SGSM1: variants seen among roughly 807,000 people sequenced by gnomAD.
SGSM1 encodes RUN and TBC1 domain containing 2.
A neutral mutation model predicts 133.8 loss-of-function variants in SGSM1; 73 were observed. The ratio of observed to expected loss-of-function variants is 0.55; its 90% CI spans 0.45 to 0.66. The LOEUF is 0.66. Among genes scored for constraint, SGSM1 ranks in the 30% least tolerant of loss-of-function variants. The probability of loss-of-function intolerance (pLI) is 0.00; values close to 1 mark genes in which losing one functional copy is unlikely to be tolerated. For synonymous variants in SGSM1, 563 were observed against 573.0 expected, an observed-to-expected ratio of 0.98 and a Z score of 0.25; for missense variants, 1,213 against 1,448.1, an observed-to-expected ratio of 0.84 and a Z score of 2.64.
In SGSM1 at chr22:24,912,719, C is replaced by A; in HGVS notation, c.2895C>A (p.Asp965Glu). 1 of 1,613,624 alleles carries A rather than the reference C, an allele frequency of 6.2e-7. No homozygotes were observed. The highest frequency in any genetic ancestry group is 8.5e-7 in the Non-Finnish European group (1 of 1,179,806). ...ACTTCCCCCACGGAGGCGCCATGGA[C>A]ACGCACTTTGCAAACATGAGATCGT... Reference protein sequence around the residue: ...NQNFPHGGAMDTHFANMRSLI... With the variant: ...NQNFPHGGAMETHFANMRSLI... Residue 965 changes from aspartate to glutamate, a missense_variant, in exon 22 of 25, where the codon GAC becomes GAA. Coordinates refer to ENST00000400358, the MANE Select transcript of SGSM1 (RefSeq NM_001098497.3).
Position 24,806,602 on chromosome 22 carries a change from G to A in SGSM1, c.63+118G>A, listed in dbSNP as rs913231317. On this transcript the variant is annotated intron_variant, in intron 2 of 24. Transcript: ENST00000400358. ...CGGGGGGGCGGCCAGAACAGGTGTGGGGCTCACCTGGGTGGGCATTGACCT... is the reference window on the plus strand; with the variant it reads ...CGGGGGGGCGGCCAGAACAGGTGTGAGGCTCACCTGGGTGGGCATTGACCT... The A allele has an allele frequency of 9.7e-5, 119 of 1,231,244 alleles. 2 individuals carry two copies. Among genetic ancestry groups the A allele is most frequent in the Admixed American group, 9.5e-4 (26 of 27,420 alleles). The allele number at this position is 1,231,244 out of a possible 1,614,324, so 76.3% of individuals were successfully genotyped here.
intron 21 of SGSM1, among the ~76,000 whole-genome samples, chr22:24,907,604 G>C (rs1933439677): frequency 6.6e-6 from 1 of 151,922 alleles, no homozygotes; most frequent in African/African-American, 2.4e-5. Flanking sequence ...AAATTCAAGG[G>C]ATTTAGAATA....
chr22:24,924,013 C>A (rs1242537827), intron 24 of SGSM1, among the ~76,000 whole-genome samples, 173 bp from the exon 25 acceptor site: 1 of 152,134 alleles, frequency 6.6e-6, no homozygotes, highest in Non-Finnish European at 1.5e-5. Context: ...TTCCAATCCC[C>A]ATTTTACAGA....
chr22:24,914,292 C>CAAA (rs144720210), intron 22 of SGSM1, among the ~76,000 whole-genome samples: 11,542 of 94,950 alleles, frequency 0.12, 1,450 homozygotes, highest in African/African-American at 0.33. Flanking sequence ...GACTCCATCT[C>CAAA]AAAAAAAAAA....
intron 8 of SGSM1, 138 bp downstream of exon 8, chr22:24,855,818 C>A (rs1930746558): frequency 1.6e-6 from 2 of 1,249,664 alleles, no homozygotes; most frequent in African/African-American, 1.5e-5. Flanking sequence ...ACCCGCCCAA[C>A]ACTCATTCAT....
intron 9 of SGSM1, among the ~76,000 whole-genome samples, chr22:24,864,906 G>C (rs1818718069): frequency 6.6e-6 from 1 of 152,204 alleles, no homozygotes; most frequent in South Asian, 2.1e-4. Flanking sequence ...TGTGGCCTGA[G>C]ACAATCAACT....
intron 18 of SGSM1, among the ~76,000 whole-genome samples, chr22:24,896,973 T>C (rs2123700810): frequency 6.7e-6 from 1 of 149,730 alleles, no homozygotes; most frequent in Non-Finnish European, 1.5e-5. Flanking sequence ...CGAGACTCCA[T>C]CTTAAATAAA....
chr22:24,841,623 G>A (rs956158502), intron 2 of SGSM1, among the ~76,000 whole-genome samples: 5 of 152,244 alleles, frequency 3.3e-5, no homozygotes, highest in African/African-American at 4.8e-5. Context: ...AGAGTCTACA[G>A]CATTGATTCA....
intron 2 of SGSM1, among the ~76,000 whole-genome samples, chr22:24,834,339 T>C (rs1451733586): frequency 6.6e-6 from 1 of 152,248 alleles, no homozygotes; most frequent in East Asian, 1.9e-4. Flanking sequence ...CCAAACATTC[T>C]TGTGCAGGGT....
At chr22:24,911,936 TC>T in intron 21 of SGSM1, among the ~76,000 whole-genome samples, 1 of 151,944 alleles carries the variant, frequency 6.6e-6, no homozygotes, top group East Asian at 1.9e-4. Context: ...GCGCCTGTAG[TC>T]CCAGCTACTT....
chr22:24,868,365 G>T lies in SGSM1; in HGVS notation c.995-11G>T. ...TTCCACTGGGTCTTCTCTGGCTGGT[G>T]GTGGCGGCAGTTGACAGCGGCGGGA... On this transcript the variant is annotated splice_polypyrimidine_tract_variant and intron_variant, in intron 10 of 24. Transcript: ENST00000400358. The T allele has an allele frequency of 6.2e-7, 1 of 1,604,636 alleles. No individual in the cohort carries two copies. Among genetic ancestry groups the T allele is most frequent in the Non-Finnish European group, 8.5e-7 (1 of 1,173,738 alleles).
chr22:24,836,661 C>T (rs78393882), intron 2 of SGSM1, among the ~76,000 whole-genome samples: 2,236 of 152,296 alleles, frequency 0.015, 35 homozygotes, highest in Middle Eastern at 0.041. Flanking sequence ...AGTGGTATCT[C>T]ATTGTGGTTT....
intron 19 of SGSM1, among the ~76,000 whole-genome samples, chr22:24,900,902 G>A (rs1029316733): frequency 7.2e-5 from 11 of 152,092 alleles, no homozygotes; most frequent in Non-Finnish European, 1.5e-4. Context: ...TTAAGACCCA[G>A]GTGGAAGGTA....
rs780716842 is a variant in SGSM1, at chr22:24,893,637, A to G, written c.1953+24A>G. On this transcript the variant is annotated intron_variant, in intron 17 of 24. Transcript: ENST00000400358. ...AGGTGATGGGCGGCTGGCCTCGGGG[A>G]GCGCGGGGGCTGGGGAAGGTCAGGG... 3.3e-6 allele frequency: 5 copies of G among 1,536,496 alleles called. No homozygotes were observed. In the East Asian group the frequency reaches 1.2e-4, roughly 35 times the overall value.
At chr22:24,906,528 T>C (rs577826078) in intron 21 of SGSM1, among the ~76,000 whole-genome samples, 1 of 152,358 alleles carries the variant, frequency 6.6e-6, no homozygotes, top group East Asian at 1.9e-4. Context: ...TGTATCAAGG[T>C]TGCAGGATAT....
At chr22:24,811,063 A>G (rs553697343) in intron 2 of SGSM1, among the ~76,000 whole-genome samples, 2 of 152,308 alleles carry the variant, frequency 1.3e-5, no homozygotes, top group South Asian at 2.1e-4. Flanking sequence ...AGTTTTTAGT[A>G]TGAGTATGTG....
Position 24,907,576 on chromosome 22 carries a change from A to T in SGSM1, c.2818+2389A>T, listed in dbSNP as rs115011398. 7.5e-3 allele frequency among the ~76,000 whole-genome samples: 1,135 copies of T among 151,902 alleles called. 13 individuals carry two copies. The highest frequency in any genetic ancestry group is 0.026 in the African/African-American group (1,087 of 41,412). On this transcript the variant is annotated intron_variant, in intron 21 of 24. Transcript: ENST00000400358. ...TTTTTTTGCAAAAATTAACAAGCTG[A>T]CCCTAAAGTTGATATGGAAATTCAA...
At chr22:24,922,192 T>C (rs1266532098) in intron 24 of SGSM1, among the ~76,000 whole-genome samples, 1 of 145,402 alleles carries the variant, frequency 6.9e-6, no homozygotes, top group East Asian at 2.0e-4. Context: ...TTTTTTTTTT[T>C]TTTTTTTTGT....
chr22:24,821,071 T>C lies in SGSM1; in HGVS notation c.63+14587T>C, dbSNP rs193293883. Among the ~76,000 whole-genome samples, 30 of 152,304 alleles carry C rather than the reference T, an allele frequency of 2.0e-4. No homozygotes were observed. In the East Asian group the frequency reaches 5.4e-3, roughly 27 times the overall value. On this transcript the variant is annotated intron_variant, in intron 2 of 24. Coordinates refer to ENST00000400358, the MANE Select transcript of SGSM1 (RefSeq NM_001098497.3). ...TTCCTTTCTTGATGGAGTTTCACTCTTGTCACCCAGGCTGGAGCGCAATGG... is the reference window on the plus strand; with the variant it reads ...TTCCTTTCTTGATGGAGTTTCACTCCTGTCACCCAGGCTGGAGCGCAATGG...
Sources: allele counts gnomAD v4.1 joint callset (sites outside exome capture counted in the v4.1 genomes callset), GRCh38; gene constraint gnomAD v4.1.1; transcripts MANE v1.5; gene names NCBI Gene and HGNC (gene_info 2026-07-23, HGNC 2026-07-21).